The following ZC3H12B variants were observed in gnomAD, a reference collection of about 807,000 sequenced individuals.
The protein encoded by ZC3H12B is probable ribonuclease ZC3H12B.
A neutral mutation model predicts 43.9 loss-of-function variants in ZC3H12B; 7 were observed. That is an observed-to-expected ratio of 0.16 (90% CI 0.09 to 0.30). The LOEUF is 0.30. Among genes scored for constraint, ZC3H12B ranks in the 10% least tolerant of loss-of-function variants. The pLI, the probability that ZC3H12B is intolerant of heterozygous loss-of-function variation, is 1.00. For missense variants in ZC3H12B, 475 were observed against 670.2 expected, an observed-to-expected ratio of 0.71 and a Z score of 3.22; for synonymous variants, 222 against 241.7, an observed-to-expected ratio of 0.92 and a Z score of 0.76.
chrX:65,382,605 C>A (rs1035872712), intron 2 of ZC3H12B, among the ~76,000 whole-genome samples: 5 of 111,179 alleles, frequency 4.5e-5, no homozygotes, highest in Non-Finnish European at 7.5e-5. Flanking sequence ...CTGGCTAGGG[C>A]AATCAGGCAG....
At chrX:65,131,016 G>C in the ZC3H12B span, among the ~76,000 whole-genome samples, 35 of 112,062 alleles carry the variant, frequency 3.1e-4, no homozygotes, top group African/African-American at 1.1e-3. Flanking sequence ...GTGGACCCTT[G>C]CATAGTGAGG....
At chrX:65,471,704 G>A (rs1007143516) in intron 3 of ZC3H12B, among the ~76,000 whole-genome samples, 13 of 110,428 alleles carry the variant, frequency 1.2e-4, no homozygotes, top group Non-Finnish European at 1.7e-4. Context: ...GCCCACCTTC[G>A]CCTCACATAG....
the ZC3H12B span, among the ~76,000 whole-genome samples, chrX:65,335,311 T>A: frequency 9.0e-6 from 1 of 111,406 alleles, no homozygotes; most frequent in Non-Finnish European, 1.9e-5. Flanking sequence ...CACTTTTAAT[T>A]AAGCTGACTT....
chrX:65,343,293 T>G, the ZC3H12B span, among the ~76,000 whole-genome samples: 5 of 111,664 alleles, frequency 4.5e-5, no homozygotes, highest in Non-Finnish European at 7.5e-5. Context: ...TCAAAATAAT[T>G]AAGGAGGAGG....
intron 2 of ZC3H12B, among the ~76,000 whole-genome samples, chrX:65,389,276 G>T (rs2066576835): frequency 8.9e-6 from 1 of 112,048 alleles, no homozygotes; most frequent in Admixed American, 9.4e-5. Flanking sequence ...AGCTGTGGTG[G>T]GCTCCACCCA....
At chrX:65,099,469 C>T in the ZC3H12B span, among the ~76,000 whole-genome samples, 1 of 111,688 alleles carries the variant, frequency 9.0e-6, no homozygotes, top group Non-Finnish European at 1.9e-5. Context: ...ACACCTCATA[C>T]AGGAGAGCTC....
the ZC3H12B span, among the ~76,000 whole-genome samples, chrX:65,177,937 A>T: frequency 6.3e-4 from 71 of 112,286 alleles, no homozygotes; most frequent in African/African-American, 2.0e-3. Context: ...TGGAACCAAA[A>T]ATAGCCTGTA....
At chrX:65,390,915 A>T (rs2066606982) in intron 2 of ZC3H12B, among the ~76,000 whole-genome samples, 2 of 112,078 alleles carry the variant, frequency 1.8e-5, no homozygotes, top group Middle Eastern at 4.6e-3. Flanking sequence ...ATCAATAATA[A>T]CAATAATTTT....
chrX:65,464,785 C>T (rs1569418319), intron 3 of ZC3H12B, among the ~76,000 whole-genome samples: 1 of 110,379 alleles, frequency 9.1e-6, no homozygotes, highest in East Asian at 2.8e-4. Context: ...TGTTTTGCTG[C>T]ATTTCCTAAA....
At chrX:65,351,454 A>G in the ZC3H12B span, among the ~76,000 whole-genome samples, 1 of 112,478 alleles carries the variant, frequency 8.9e-6, no homozygotes, top group African/African-American at 3.2e-5. Context: ...AACAAAAGCC[A>G]GAATTTACAA....
At chrX:65,304,977 T>C in the ZC3H12B span, among the ~76,000 whole-genome samples, 3 of 111,524 alleles carry the variant, frequency 2.7e-5, no homozygotes, top group East Asian at 8.5e-4. Flanking sequence ...AAAAACCAAA[T>C]AAATAATGGA....
intron 2 of ZC3H12B, among the ~76,000 whole-genome samples, chrX:65,373,650 C>G (rs1377378971): frequency 2.0e-5 from 2 of 99,851 alleles, no homozygotes; most frequent in African/African-American, 7.4e-5. Context: ...GACAGAAAAC[C>G]AAACACTGAA....
At chrX:65,130,357 A>G in the ZC3H12B span, among the ~76,000 whole-genome samples, 1 of 111,345 alleles carries the variant, frequency 9.0e-6, no homozygotes, top group African/African-American at 3.3e-5. Flanking sequence ...AGAAGGGAAG[A>G]AATGACTGTG....
intron 2 of ZC3H12B, among the ~76,000 whole-genome samples, chrX:65,382,228 G>A (rs1164219134): frequency 9.1e-6 from 1 of 110,142 alleles, no homozygotes; most frequent in Non-Finnish European, 1.9e-5. Flanking sequence ...ACCGAATCCA[G>A]CAGCACATCA....
At chrX:65,118,359 T>C in the ZC3H12B span, among the ~76,000 whole-genome samples, 1 of 111,676 alleles carries the variant, frequency 9.0e-6, no homozygotes, top group Non-Finnish European at 1.9e-5. Context: ...TTTGGCTCTC[T>C]GTTTGTCTGT....
chrX:65,204,863 C>T, the ZC3H12B span, among the ~76,000 whole-genome samples: 1 of 111,991 alleles, frequency 8.9e-6, no homozygotes, highest in Non-Finnish European at 1.9e-5. Context: ...TGTCAGTAAG[C>T]TGTTATCTGC....
chrX:65,114,589 G>A, the ZC3H12B span, among the ~76,000 whole-genome samples: 2 of 110,408 alleles, frequency 1.8e-5, no homozygotes, highest in African/African-American at 3.3e-5. Flanking sequence ...GTCACATCCC[G>A]TTTCATTCTT....
chrX:65,103,497 A>T, the ZC3H12B span, among the ~76,000 whole-genome samples: 1 of 111,864 alleles, frequency 8.9e-6, no homozygotes, highest in East Asian at 2.8e-4. Flanking sequence ...GGCGACATAC[A>T]TTCTCAGCTT....
chrX:65,100,655 G>A, the ZC3H12B span, among the ~76,000 whole-genome samples: 4 of 92,851 alleles, frequency 4.3e-5, no homozygotes, highest in Non-Finnish European at 8.3e-5. Flanking sequence ...AAAAAGACAA[G>A]GACATTACAT....
Sources: gnomAD v4.1 joint callset for allele counts (sites outside exome capture counted in the v4.1 genomes callset) on GRCh38, gnomAD v4.1.1 for gene constraint, MANE v1.5 for transcripts, NCBI Gene and HGNC (gene_info 2026-07-23, HGNC 2026-07-21) for gene names.